Variants in THSD7A observed in about 807,000 individuals in gnomAD.
THSD7A encodes thrombospondin type 1 domain containing 7A, also known as thrombospondin type-1 domain-containing protein 7A.
Under a neutral mutation model 231.3 loss-of-function variants are expected in THSD7A, and 96 were observed. The ratio of observed to expected loss-of-function variants is 0.41; its 90% CI spans 0.35 to 0.49. The LOEUF (loss-of-function observed/expected upper bound fraction) is 0.49. Ranked by LOEUF, THSD7A falls within the 20% of genes least tolerant of loss-of-function variation. The probability of loss-of-function intolerance (pLI) is 0.05; values close to 1 mark genes in which losing one functional copy is unlikely to be tolerated. For synonymous variants in THSD7A, 940 were observed against 743.3 expected, an observed-to-expected ratio of 1.26 and a Z score of -4.30; for missense variants, 2,290 against 2,070.2, an observed-to-expected ratio of 1.11 and a Z score of -2.06.
intron 7 of THSD7A, among the ~76,000 whole-genome samples, chr7:11,479,083 T>C (rs1233828493): frequency 2.0e-5 from 3 of 152,192 alleles, no homozygotes; most frequent in African/African-American, 7.2e-5. Flanking sequence ...TGATGCAATA[T>C]TGTGACATTT....
intron 6 of THSD7A, among the ~76,000 whole-genome samples, chr7:11,490,197 A>G (rs1786830298): frequency 6.6e-6 from 1 of 152,084 alleles, no homozygotes; most frequent in African/African-American, 2.4e-5. Flanking sequence ...TGTTGTAATC[A>G]ATAATATCAC....
rs989050888 is a variant in THSD7A, at chr7:11,444,903, G to T, written c.3064+1158C>A. On this transcript the variant is annotated intron_variant, in intron 13 of 27. Transcript: ENST00000423059. The surrounding 1 kb of genome is among the most constrained non-coding windows in gnomAD (Gnocchi z 4.2). ...CTATTTTATATATATATAAAATGCT[G>T]TATATATATAATGAAACTATATATG... Among the ~76,000 whole-genome samples, 4 of 146,326 alleles carry T rather than the reference G, an allele frequency of 2.7e-5. No individual in the cohort carries two copies. Among genetic ancestry groups the T allele is most frequent in the African/African-American group, 1.0e-4 (4 of 40,084 alleles).
chr7:11,628,119 T>C (rs1007867204), intron 2 of THSD7A, among the ~76,000 whole-genome samples: 3 of 152,164 alleles, frequency 2.0e-5, no homozygotes, highest in Non-Finnish European at 2.9e-5. Flanking sequence ...CAAATGTATA[T>C]AACTTATAAA....
chr7:11,765,327 A>G (rs1782998911), intron 1 of THSD7A, among the ~76,000 whole-genome samples: 1 of 152,208 alleles, frequency 6.6e-6, no homozygotes, highest in Admixed American at 6.5e-5. Flanking sequence ...AATATGCTTT[A>G]AAATTACAAA....
At chr7:11,718,657 A>C (rs1781229634) in intron 1 of THSD7A, among the ~76,000 whole-genome samples, 1 of 151,768 alleles carries the variant, frequency 6.6e-6, no homozygotes, top group Admixed American at 6.6e-5. Context: ...TCTACTGAGC[A>C]CAATTTTTTT....
intron 6 of THSD7A, among the ~76,000 whole-genome samples, chr7:11,532,581 A>G (rs1241801297): frequency 6.6e-6 from 1 of 152,150 alleles, no homozygotes; most frequent in African/African-American, 2.4e-5. Flanking sequence ...AAAGTAGGTA[A>G]GAAGATTGTT....
Position 11,543,043 on chromosome 7 carries a change from G to C in THSD7A, c.1528C>G (p.Pro510Ala). The C allele has an allele frequency of 1.2e-6, 2 of 1,613,752 alleles. No homozygotes were observed. Among genetic ancestry groups the C allele is most frequent in the African/African-American group, 1.3e-5 (1 of 75,024 alleles). ...NTTQLCHIPC[P>A]TECEVSPWSA... is the part of the protein sequence containing the mutation. ...CAAGGTGAAACTTCACATTCAGTTG[G>C]ACAAGGAATGTGGCACAGCTGTGTA... The change falls in exon 5 of 28, where the codon CCA becomes GCA. Residue 510 changes from proline (P) to alanine (A), a missense_variant. Transcript: ENST00000423059.
At chr7:11,439,312 T>C (rs1784729904) in intron 13 of THSD7A, among the ~76,000 whole-genome samples, 1 of 152,054 alleles carries the variant, frequency 6.6e-6, no homozygotes, top group African/African-American at 2.4e-5. Context: ...GATCGTGCAT[T>C]TTTTACAAAT....
chr7:11,642,142 T>C (rs1195508913), intron 1 of THSD7A, among the ~76,000 whole-genome samples: 1 of 152,176 alleles, frequency 6.6e-6, no homozygotes, highest in African/African-American at 2.4e-5. Context: ...AAATATGAAA[T>C]CCTCTACCAA....
At chr7:11,447,864 C>T (rs1785023558) in intron 11 of THSD7A, among the ~76,000 whole-genome samples, 3 of 152,032 alleles carry the variant, frequency 2.0e-5, no homozygotes, top group Admixed American at 2.0e-4. Context: ...TCATTGGACA[C>T]CCTAGAATTC....
intron 6 of THSD7A, among the ~76,000 whole-genome samples, chr7:11,498,938 AC>A (rs1787220875): frequency 6.6e-6 from 1 of 152,074 alleles, no homozygotes; most frequent in East Asian, 1.9e-4. Flanking sequence ...ATATCTCCTC[AC>A]TGGGCAGGTC....
At position 11,636,300 on chromosome 7, in the gene THSD7A, T is replaced by A; in HGVS notation, c.852A>T (p.Glu284Asp). 1 of 1,614,012 alleles carries A rather than the reference T, an allele frequency of 6.2e-7. No individual in the cohort carries two copies. The highest frequency in any genetic ancestry group is 2.2e-5 in the East Asian group (1 of 44,872). The part of the protein sequence containing the change: ...ARRRGKNKER[E>D]KDRSKGVKDP... ...CCTTTACTCCTTTGCTGCGGTCCTT[T>A]TCCCGTTCTTTATTCTTCCCGCGTC... is the stretch of plus-strand genomic sequence containing the variant. Residue 284 changes from glutamate to aspartate, a missense_variant, in exon 2 of 28, where the codon GAA (glutamate) becomes GAT (aspartate). Physicochemically the swap from Glu to Asp is conservative, Grantham distance 45 (BLOSUM62 2). Coordinates refer to ENST00000423059, the MANE Select transcript of THSD7A (RefSeq NM_015204.3). This position sits in a 1 kb window ranked among gnomAD's most constrained non-coding sequence, Gnocchi z 10.0.
At chr7:11,378,022 T>C (rs1402120650) in intron 26 of THSD7A, 1 of 152,086 alleles carries the variant, frequency 6.6e-6, no homozygotes, top group Non-Finnish European at 1.5e-5. Context: ...AAATAAATCA[T>C]ACTATCAGCT....
chr7:11,675,063 G>T (rs576635139), intron 1 of THSD7A, among the ~76,000 whole-genome samples: 55 of 152,174 alleles, frequency 3.6e-4, no homozygotes, highest in African/African-American at 1.2e-3. Context: ...TCCAACTAAG[G>T]CACTCAATTC....
chr7:11,614,243 C>T (rs1023817389), intron 2 of THSD7A, among the ~76,000 whole-genome samples: 4 of 152,160 alleles, frequency 2.6e-5, no homozygotes, highest in African/African-American at 2.4e-5. Flanking sequence ...CTCTGGACAT[C>T]CTGCCTTAGA....
At chr7:11,816,275 A>T (rs1033495609) in intron 1 of THSD7A, among the ~76,000 whole-genome samples, 1 of 152,172 alleles carries the variant, frequency 6.6e-6, no homozygotes, top group African/African-American at 2.4e-5. Context: ...CAAACTGGGG[A>T]ATAAAAGGTC....
chr7:11,820,892 T>C lies in THSD7A; in HGVS notation c.190+10865A>G, dbSNP rs866206208. The C allele has an allele frequency of 9.1e-5, 81 of 893,998 alleles. No homozygotes were observed. In the South Asian group the frequency reaches 1.1e-3, roughly 12 times the overall value. The allele number at this position is 893,998 out of a possible 1,614,324, so 55.4% of individuals were successfully genotyped here. On this transcript the variant is annotated intron_variant, in intron 1 of 27. Transcript: ENST00000423059. ...ACCTTTCCCTCGAGTGGCTGGAGTC[T>C]CGGGAATTCACTGATTCTCTAGATT...
intron 11 of THSD7A, among the ~76,000 whole-genome samples, chr7:11,450,626 G>A (rs1785113331): frequency 6.6e-6 from 1 of 152,012 alleles, no homozygotes; most frequent in South Asian, 2.1e-4. Flanking sequence ...CAACTTTATG[G>A]ATCTTAAAAA....
intron 2 of THSD7A, among the ~76,000 whole-genome samples, chr7:11,623,342 A>G (rs947996689): frequency 2.6e-5 from 4 of 152,142 alleles, no homozygotes; most frequent in African/African-American, 9.6e-5. Flanking sequence ...ACGCACTTGC[A>G]TGACCCTGGG....
Sources: allele counts gnomAD v4.1 joint callset (sites outside exome capture counted in the v4.1 genomes callset), GRCh38; gene constraint gnomAD v4.1.1; non-coding constraint Gnocchi (gnomAD v3.1); transcripts MANE v1.5; gene names NCBI Gene and HGNC (gene_info 2026-07-23, HGNC 2026-07-21).